CSMD3: variants seen among roughly 807,000 people sequenced by gnomAD.
CSMD3 encodes the protein CUB and Sushi multiple domains 3, also known as CUB and sushi domain-containing protein 3.
Under a neutral mutation model 435.2 loss-of-function variants are expected in CSMD3, and 177 were observed. The ratio of observed to expected loss-of-function variants is 0.41; its 90% CI spans 0.36 to 0.46. The LOEUF (loss-of-function observed/expected upper bound fraction) is 0.46, where lower values mean the gene tolerates loss of function less well. Among genes scored for constraint, CSMD3 ranks in the 20% least tolerant of loss-of-function variants. The pLI is 0.34. For missense variants in CSMD3, 4,265 were observed against 4,504.6 expected, an observed-to-expected ratio of 0.95 and a Z score of 1.52; for synonymous variants, 1,656 against 1,520.5, an observed-to-expected ratio of 1.09 and a Z score of -2.07.
chr8:113,074,696 C>A (rs1378065321), intron 5 of CSMD3, among the ~76,000 whole-genome samples: 2 of 151,840 alleles, frequency 1.3e-5, no homozygotes, highest in Non-Finnish European at 3.0e-5. Flanking sequence ...TATTTTATGA[C>A]CATGAAGTTT....
chr8:112,418,118 G>T (rs1347590221), intron 32 of CSMD3, among the ~76,000 whole-genome samples: 4 of 152,040 alleles, frequency 2.6e-5, no homozygotes, highest in African/African-American at 9.7e-5. Context: ...TGACAGAACA[G>T]AAATAAAGAA....
chr8:112,272,749 A>G (rs1333732092), intron 59 of CSMD3, among the ~76,000 whole-genome samples: 1 of 152,184 alleles, frequency 6.6e-6, no homozygotes, highest in East Asian at 1.9e-4. Flanking sequence ...AATCTGAAGC[A>G]CTGATTCTAA....
intron 52 of CSMD3, among the ~76,000 whole-genome samples, chr8:112,302,864 TA>T (rs1222330502): frequency 2.0e-5 from 3 of 151,064 alleles, no homozygotes; most frequent in African/African-American, 7.3e-5. Context: ...ATACTAATAT[TA>T]TTATTAATTC....
chr8:112,814,230 T>C (rs1309377451), intron 12 of CSMD3, among the ~76,000 whole-genome samples: 3 of 152,124 alleles, frequency 2.0e-5, no homozygotes, highest in Admixed American at 1.3e-4. Context: ...GGGAGAATGA[T>C]TGAATAGAGG....
At chr8:112,541,330 G>A (rs975110517) in intron 27 of CSMD3, among the ~76,000 whole-genome samples, 1 of 151,764 alleles carries the variant, frequency 6.6e-6, no homozygotes, top group East Asian at 1.9e-4. Flanking sequence ...AATAAAACTA[G>A]AGTTGGTTTC....
chr8:113,338,772 T>C (rs1241257599), intron 1 of CSMD3, among the ~76,000 whole-genome samples: 1 of 151,916 alleles, frequency 6.6e-6, no homozygotes, highest in Non-Finnish European at 1.5e-5. Context: ...GGGTTTTTCT[T>C]TAGAATAATG....
intron 22 of CSMD3, among the ~76,000 whole-genome samples, chr8:112,594,622 G>A (rs1234559824): frequency 1.3e-5 from 2 of 152,214 alleles, no homozygotes; most frequent in Admixed American, 6.5e-5. Context: ...CCGTCTGACA[G>A]CTTTGAAGAG....
At chr8:112,371,873 G>A (rs1191010855) in intron 38 of CSMD3, among the ~76,000 whole-genome samples, 1 of 151,780 alleles carries the variant, frequency 6.6e-6, no homozygotes, top group Non-Finnish European at 1.5e-5. Context: ...CTGAGCGACA[G>A]AGTGAGACTC....
chr8:112,684,073 A>T (rs1263473304), intron 15 of CSMD3, among the ~76,000 whole-genome samples: 1 of 151,892 alleles, frequency 6.6e-6, no homozygotes, highest in Non-Finnish European at 1.5e-5. Context: ...TTTACTATAG[A>T]ACAGAACCAG....
intron 13 of CSMD3, among the ~76,000 whole-genome samples, chr8:112,750,487 G>A (rs2077543341): frequency 6.6e-6 from 1 of 151,920 alleles, no homozygotes; most frequent in Non-Finnish European, 1.5e-5. Flanking sequence ...AAATTCTATG[G>A]AGTAAAATAA....
chr8:112,334,236 A>G (rs1020055184), intron 45 of CSMD3, among the ~76,000 whole-genome samples: 2 of 152,180 alleles, frequency 1.3e-5, no homozygotes, highest in Admixed American at 6.6e-5. Context: ...CTAATTAGAT[A>G]CCATCTAATT....
intron 36 of CSMD3, 77 bp downstream of exon 36, chr8:112,390,584 AAAT>A: frequency 8.3e-7 from 1 of 1,211,388 alleles, no homozygotes. Context: ...AAACTTTTAG[AAAT>A]AATGTTCATT....
rs191170266 is a variant in CSMD3 at position 113,397,938 on chromosome 8, C to A, written c.178+38739G>T. ...AGGTTTTGCTTGAATATTATGTGGC[C>A]CTAAGCAAGCTAGTTAATTGTGCCT... On this transcript the variant is annotated intron_variant, in intron 1 of 70. Transcript: ENST00000297405. 6.8e-4 allele frequency among the ~76,000 whole-genome samples: 103 copies of A among 151,876 alleles called. 2 individuals are homozygous for A. The East Asian group carries it at 0.018, about 26-fold the overall frequency.
At chr8:112,590,867 G>A (rs1831128689) in intron 22 of CSMD3, among the ~76,000 whole-genome samples, 1 of 152,004 alleles carries the variant, frequency 6.6e-6, no homozygotes, top group Admixed American at 6.6e-5. Flanking sequence ...GATCCAGAGT[G>A]AGTTTTAAGT....
At chr8:112,752,209 T>C (rs1251711307) in intron 13 of CSMD3, among the ~76,000 whole-genome samples, 1 of 152,160 alleles carries the variant, frequency 6.6e-6, no homozygotes, top group African/African-American at 2.4e-5. Context: ...TCCAGGACAC[T>C]ATACTCTGTT....
chr8:113,192,498 C>T (rs2092600210), intron 3 of CSMD3, among the ~76,000 whole-genome samples: 1 of 151,466 alleles, frequency 6.6e-6, no homozygotes, highest in Admixed American at 6.6e-5. Flanking sequence ...TACTAATTTA[C>T]CTTTCAAAAA....
Position 113,360,160 on chromosome 8 carries a change from C to T in CSMD3, c.179-45367G>A, listed in dbSNP as rs2094262591. ...AATATGTATAATGCTTCTAAACAAG[C>T]ATCTTTGGGATGGTGGTGGGATGAG... On this transcript the variant is annotated intron_variant, in intron 1 of 70. Transcript: ENST00000297405. 2.0e-5 allele frequency among the ~76,000 whole-genome samples: 3 copies of T among 152,046 alleles called. No individual in the cohort carries two copies. The South Asian group carries it at 6.2e-4, about 31-fold the overall frequency.
chr8:112,723,382 T>C (rs1363011453), intron 13 of CSMD3, among the ~76,000 whole-genome samples: 1 of 152,178 alleles, frequency 6.6e-6, no homozygotes, highest in Non-Finnish European at 1.5e-5. Context: ...CATCTATATT[T>C]GAAACCAGTT....
chr8:113,283,707 G>T (rs1356372414), intron 2 of CSMD3, among the ~76,000 whole-genome samples: 2 of 152,110 alleles, frequency 1.3e-5, no homozygotes, highest in Non-Finnish European at 2.9e-5. Flanking sequence ...ACTGCCATTT[G>T]ATCCACCAAT....
Sources: gnomAD v4.1 joint callset for allele counts (sites outside exome capture counted in the v4.1 genomes callset) on GRCh38, gnomAD v4.1.1 for gene constraint, MANE v1.5 for transcripts, NCBI Gene and HGNC (gene_info 2026-07-23, HGNC 2026-07-21) for gene names.